Variants in DLGAP2 observed in about 807,000 individuals in gnomAD.
DLGAP2 encodes the protein DLG associated protein 2, also known as disks large-associated protein 2.
A neutral mutation model predicts 100.3 loss-of-function variants in DLGAP2; 26 were observed. The ratio of observed to expected loss-of-function variants is 0.26; its 90% CI spans 0.19 to 0.36. The LOEUF (loss-of-function observed/expected upper bound fraction) is 0.36, where lower values mean the gene tolerates loss of function less well. DLGAP2 is among the 10% of genes least tolerant of loss of function. The pLI is 1.00. For missense variants in DLGAP2, 1,858 were observed against 1,453.2 expected, an observed-to-expected ratio of 1.28 and a Z score of -4.53; for synonymous variants, 886 against 630.1, an observed-to-expected ratio of 1.41 and a Z score of -6.08.
intron 3 of DLGAP2, chr8:1,373,610 C>T (rs1484701403): frequency 1.3e-5 from 2 of 152,284 alleles, no homozygotes; most frequent in Non-Finnish European, 1.5e-5. Context: ...GGCGCTTTCT[C>T]TACCCAAACC....
chr8:1,124,405 G>C (rs1201708367), intron 2 of DLGAP2, among the ~76,000 whole-genome samples: 2 of 152,156 alleles, frequency 1.3e-5, no homozygotes, highest in Non-Finnish European at 2.9e-5. Context: ...TTGCTGCCAA[G>C]GGCTTCTCCT....
intron 6 of DLGAP2, among the ~76,000 whole-genome samples, chr8:1,615,009 A>G (rs901706197): frequency 1.3e-5 from 2 of 152,240 alleles, no homozygotes; most frequent in African/African-American, 4.8e-5. Context: ...TACCTGCTGC[A>G]GGAGGGCGGT....
intron 2 of DLGAP2, among the ~76,000 whole-genome samples, chr8:953,552 C>G (rs775242483): frequency 5.3e-5 from 8 of 152,184 alleles, no homozygotes; most frequent in Non-Finnish European, 1.0e-4. Flanking sequence ...ATAGCAAATA[C>G]TTTCAGTTGT....
rs137876886 is a variant in DLGAP2, at chr8:1,192,986, T to C, written c.74-65865T>C. 3.7e-4 allele frequency among the ~76,000 whole-genome samples: 56 copies of C among 152,292 alleles called. No homozygotes were observed. The East Asian group carries it at 9.8e-3, about 27-fold the overall frequency. ...TGGTTTCCAGCTTCATCCATGTCCT[T>C]ACAAAGGACATGAACTTATCAATTT... On this transcript the variant is annotated intron_variant, in intron 2 of 14. Coordinates refer to ENST00000637795, the MANE Select transcript of DLGAP2 (RefSeq NM_001346810.2).
intron 3 of DLGAP2, among the ~76,000 whole-genome samples, chr8:1,446,618 A>G (rs1236529001): frequency 3.3e-5 from 5 of 152,112 alleles, no homozygotes; most frequent in Non-Finnish European, 5.9e-5. Flanking sequence ...GTTTTTTCCA[A>G]TTCTGTGAAG....
chr8:1,117,826 C>G (rs1341467747), intron 2 of DLGAP2, among the ~76,000 whole-genome samples: 2 of 152,168 alleles, frequency 1.3e-5, no homozygotes, highest in African/African-American at 4.8e-5. Flanking sequence ...AGAGCCTCCC[C>G]CTTTCACAGT....
chr8:1,500,230 G>T (rs1563185440), intron 3 of DLGAP2, among the ~76,000 whole-genome samples: 1 of 152,298 alleles, frequency 6.6e-6, no homozygotes, highest in South Asian at 2.1e-4. Flanking sequence ...GATGCTCCCT[G>T]CCCCCCTCCT....
intron 4 of DLGAP2, among the ~76,000 whole-genome samples, chr8:1,511,607 G>A (rs930445204): frequency 5.9e-5 from 9 of 151,470 alleles, no homozygotes; most frequent in Non-Finnish European, 8.8e-5. Context: ...TTCCATGGAC[G>A]TAAGGTCTGT....
intron 1 of DLGAP2, among the ~76,000 whole-genome samples, chr8:806,836 T>C (rs1796279644): frequency 6.6e-6 from 1 of 152,192 alleles, no homozygotes; most frequent in Non-Finnish European, 1.5e-5. Flanking sequence ...GAACAGTATA[T>C]AAAAGAAGAA....
intron 2 of DLGAP2, among the ~76,000 whole-genome samples, chr8:1,077,557 A>G (rs577400031): frequency 6.6e-6 from 1 of 152,170 alleles, no homozygotes; most frequent in Non-Finnish European, 1.5e-5. Flanking sequence ...GGTACTTCAT[A>G]ATATCAACTG....
intron 3 of DLGAP2, among the ~76,000 whole-genome samples, chr8:1,331,964 C>G (rs1801167031): frequency 6.6e-6 from 1 of 152,080 alleles, no homozygotes; most frequent in South Asian, 2.1e-4. Flanking sequence ...CCACCTCCTG[C>G]CAACCCCCTG....
chr8:1,217,037 G>A (rs946679808), intron 2 of DLGAP2, among the ~76,000 whole-genome samples: 18 of 152,074 alleles, frequency 1.2e-4, no homozygotes, highest in African/African-American at 3.4e-4. Flanking sequence ...GGGGTTTGGT[G>A]TACAAAAAAT....
intron 6 of DLGAP2, among the ~76,000 whole-genome samples, chr8:1,578,098 T>C (rs1428781486): frequency 2.0e-5 from 3 of 152,260 alleles, no homozygotes; most frequent in Non-Finnish European, 1.5e-5. Context: ...TTGGATACAG[T>C]GCACTGAGTG....
At chr8:1,632,676 C>T (rs886064317) in intron 7 of DLGAP2, 151 bp from the exon 8 acceptor site, 3 of 698,752 alleles carry the variant, frequency 4.3e-6, no homozygotes, top group Non-Finnish European at 7.1e-6. Context: ...TTCCCAAGCT[C>T]AGCCGATGCC....
At chr8:1,690,289 G>A (rs915094948) in intron 12 of DLGAP2, among the ~76,000 whole-genome samples, 20 of 151,854 alleles carry the variant, frequency 1.3e-4, no homozygotes, top group East Asian at 9.7e-4. Flanking sequence ...TCAGGAGGTG[G>A]AGGCTGCAGT....
chr8:1,527,080 A>G (rs1450202877), intron 4 of DLGAP2, among the ~76,000 whole-genome samples: 1 of 152,190 alleles, frequency 6.6e-6, no homozygotes, highest in Non-Finnish European at 1.5e-5. Context: ...GGGTGCCATC[A>G]CAAGCCCACC....
At chr8:1,111,222 G>A (rs557671548) in intron 2 of DLGAP2, among the ~76,000 whole-genome samples, 6 of 152,208 alleles carry the variant, frequency 3.9e-5, no homozygotes, top group Admixed American at 2.6e-4. Context: ...CTTAGTGTCC[G>A]ACTTGCCTAG....
At chr8:1,140,179 G>C (rs182774526) in intron 2 of DLGAP2, among the ~76,000 whole-genome samples, 8 of 152,162 alleles carry the variant, frequency 5.3e-5, no homozygotes, top group Non-Finnish European at 1.2e-4. Context: ...TCGTAGCGGG[G>C]AGGTGCGACC....
chr8:1,354,420 C>G (rs1055247958), intron 3 of DLGAP2, among the ~76,000 whole-genome samples: 2 of 152,096 alleles, frequency 1.3e-5, no homozygotes, highest in Non-Finnish European at 2.9e-5. Context: ...GACTGAGGCA[C>G]CAGAATCACT....
Sources: allele counts gnomAD v4.1 joint callset (sites outside exome capture counted in the v4.1 genomes callset), GRCh38; gene constraint gnomAD v4.1.1; transcripts MANE v1.5; gene names NCBI Gene and HGNC (gene_info 2026-07-23, HGNC 2026-07-21).